MTMR8: variants seen among roughly 807,000 people sequenced by gnomAD.
The protein encoded by MTMR8 is myotubularin related protein 8.
In MTMR8, 65 loss-of-function variants were observed where a neutral mutation model predicts 39.3. The ratio of observed to expected loss-of-function variants is 1.65; its 90% confidence interval spans 1.35 to 2.03. The LOEUF (loss-of-function observed/expected upper bound fraction) is 2.03, where lower values mean the gene tolerates loss of function less well. Ranked by LOEUF, MTMR8 falls within the 30% of genes most tolerant of loss-of-function variation. MTMR8 has a pLI of 0.00. For synonymous variants in MTMR8, 245 were observed against 185.2 expected, an observed-to-expected ratio of 1.32 and a Z score of -2.62; for missense variants, 777 against 538.9, an observed-to-expected ratio of 1.44 and a Z score of -4.37.
chrX:64,390,416 C>G (rs1490432745), intron 1 of MTMR8, among the ~76,000 whole-genome samples: 1 of 111,762 alleles, frequency 8.9e-6, no homozygotes, highest in African/African-American at 3.3e-5. Flanking sequence ...GATGTCGTTT[C>G]TGTGATAACT....
Position 64,337,371 on chromosome X carries a change from C to A in MTMR8, c.998G>T (p.Ser333Ile), listed in dbSNP as rs1923105737. 1.7e-6 allele frequency: 2 copies of A among 1,207,715 alleles called. No individual in the cohort carries two copies. Among genetic ancestry groups the A allele is most frequent in the South Asian group, 3.5e-5 (2 of 56,354 alleles). The stretch of plus-strand genomic sequence containing the variant: ...TCCATCAGAACAATGGACTAAGACA[C>A]TGGCCTTTTCTACCTTCACTGCCTG... The part of the protein sequence containing the change: ...ITKAVKVEKA[S>I]VLVHCSDGWD... The change falls in exon 9 of 14, where the codon AGT becomes ATT. Residue 333 changes from serine (S) to isoleucine (I), a missense_variant. By Grantham distance (142) the Ser-to-Ile change is moderately radical (BLOSUM62 -2). Coordinates refer to ENST00000374852, the MANE Select transcript of MTMR8 (RefSeq NM_017677.4).
chrX:64,318,167 C>T (rs186082757), intron 12 of MTMR8, among the ~76,000 whole-genome samples: 1 of 112,166 alleles, frequency 8.9e-6, no homozygotes, highest in Non-Finnish European at 1.9e-5. Context: ...ACCTCAGGAA[C>T]AGAAGTGTCT....
At chrX:64,296,991 T>C (rs753842036) in intron 12 of MTMR8, among the ~76,000 whole-genome samples, 1 of 102,677 alleles carries the variant, frequency 9.7e-6, no homozygotes, top group Non-Finnish European at 2.0e-5. Flanking sequence ...TGTTGGACAT[T>C]TGGCTTGGTT....
intron 12 of MTMR8, among the ~76,000 whole-genome samples, chrX:64,277,043 G>T (rs1234617436): frequency 2.7e-5 from 3 of 111,609 alleles, no homozygotes; most frequent in Non-Finnish European, 3.8e-5. Flanking sequence ...TTGGTTTAAA[G>T]TCTGTTTTAA....
chrX:64,306,478 A>T (rs989059026), intron 12 of MTMR8: 2 of 147,936 alleles, frequency 1.4e-5, no homozygotes, highest in African/African-American at 6.3e-5. Flanking sequence ...ACTGCATTTA[A>T]TTGAATTTCT....
intron 4 of MTMR8, among the ~76,000 whole-genome samples, chrX:64,353,172 A>C (rs1330877512): frequency 1.8e-5 from 2 of 112,096 alleles, no homozygotes; most frequent in Non-Finnish European, 3.8e-5. Flanking sequence ...ACTTTAGGAT[A>C]TTGGTCTGGG....
intron 3 of MTMR8, among the ~76,000 whole-genome samples, chrX:64,355,210 T>C (rs1923592399): frequency 8.9e-6 from 1 of 112,140 alleles, no homozygotes; most frequent in Admixed American, 9.5e-5. Context: ...GCTGGATAAT[T>C]GACTGAACTG....
intron 12 of MTMR8, among the ~76,000 whole-genome samples, chrX:64,322,196 C>A (rs1172603880): frequency 9.1e-6 from 1 of 109,539 alleles, no homozygotes; most frequent in East Asian, 2.9e-4. Flanking sequence ...CGAGGTCTCA[C>A]TATGTTGCCC....
intron 1 of MTMR8, among the ~76,000 whole-genome samples, chrX:64,394,908 C>T (rs1165809236): frequency 8.9e-6 from 1 of 112,223 alleles, no homozygotes; most frequent in African/African-American, 3.2e-5. Flanking sequence ...CTGGAGGAGC[C>T]AAGAGGATGG....
intron 1 of MTMR8, among the ~76,000 whole-genome samples, chrX:64,388,283 C>A (rs1320175994): frequency 8.9e-6 from 1 of 111,918 alleles, no homozygotes; most frequent in Non-Finnish European, 1.9e-5. Flanking sequence ...TGTGTCATTG[C>A]CCCCAACAGC....
chrX:64,285,178 C>G (rs1232887351), intron 12 of MTMR8, among the ~76,000 whole-genome samples: 1 of 111,444 alleles, frequency 9.0e-6, no homozygotes, highest in East Asian at 2.8e-4. Context: ...CAATCCTAGT[C>G]TCTGATAAAA....
Position 64,366,226 on chromosome X carries a change from G to A in MTMR8, c.25-6699C>T, listed in dbSNP as rs188944548. Among the ~76,000 whole-genome samples the A allele has an allele frequency of 4.6e-4, 51 of 111,382 alleles. 1 individual carries two copies. Among genetic ancestry groups the A allele is most frequent in the African/African-American group, 1.6e-3 (48 of 30,623 alleles). ...ACAGAAGGTTAAAAAGGATATCCAG[G>A]ACTTGAACTCAGGTTGGCACCAAGC... is the stretch of plus-strand genomic sequence containing the variant. On this transcript the variant is annotated intron_variant, in intron 1 of 13. Transcript: ENST00000374852.
chrX:64,311,154 C>G (rs1490249833), intron 12 of MTMR8, among the ~76,000 whole-genome samples: 2 of 111,731 alleles, frequency 1.8e-5, no homozygotes, highest in African/African-American at 6.5e-5. Context: ...ACATCCTCCC[C>G]AGCATCTGTT....
chrX:64,324,206 A>T (rs1183699181), intron 12 of MTMR8, among the ~76,000 whole-genome samples: 1 of 110,843 alleles, frequency 9.0e-6, no homozygotes, highest in Non-Finnish European at 1.9e-5. Context: ...TCTACAAAAA[A>T]TTAAGATTAG....
chrX:64,356,887 T>G (rs1747881414), intron 2 of MTMR8, among the ~76,000 whole-genome samples: 1 of 110,742 alleles, frequency 9.0e-6, no homozygotes, highest in Admixed American at 9.6e-5. Flanking sequence ...AGCCAAGAAG[T>G]GGCACAAACA....
At position 64,345,111 on chromosome X, in the gene MTMR8, G is replaced by A. The variant is rs777686067; in HGVS notation, c.799C>T (p.Arg267Cys). ...TTCTCAATGCCCATGAATCTGAAGC[G>A]AATGTTGGCATAGTTGTCTTCATTT... The part of the protein sequence containing the change: ...YENEDNYANI[R>C]FRFMGIENIH... The change falls in exon 7 of 14, where the codon CGC (arginine) becomes TGC (cysteine). Residue 267 changes from arginine to cysteine, a missense_variant. By Grantham distance (180) the Arg-to-Cys change is radical (BLOSUM62 -3). Coordinates refer to ENST00000374852, the MANE Select transcript of MTMR8 (RefSeq NM_017677.4). 88 of 1,209,080 alleles carry A rather than the reference G, an allele frequency of 7.3e-5. 1 individual carries two copies. Among genetic ancestry groups the A allele is most frequent in the South Asian group, 5.6e-4 (32 of 56,819 alleles).
intron 12 of MTMR8, among the ~76,000 whole-genome samples, chrX:64,315,074 T>C (rs1324274800): frequency 8.9e-6 from 1 of 111,917 alleles, no homozygotes; most frequent in Non-Finnish European, 1.9e-5. Flanking sequence ...TGGGCATCCC[T>C]GGCTCTGCTC....
chrX:64,371,732 G>T (rs1279217646), intron 1 of MTMR8, among the ~76,000 whole-genome samples: 2 of 111,068 alleles, frequency 1.8e-5, no homozygotes, highest in African/African-American at 6.5e-5. Flanking sequence ...TATTCCCTGA[G>T]ATTCTGCCAA....
intron 12 of MTMR8, among the ~76,000 whole-genome samples, chrX:64,286,503 C>A (rs912454173): frequency 9.0e-6 from 1 of 111,547 alleles, no homozygotes; most frequent in Non-Finnish European, 1.9e-5. Flanking sequence ...GGCAGAGACA[C>A]AACAAAAGAA....
Sources: gnomAD v4.1 joint callset for allele counts (sites outside exome capture counted in the v4.1 genomes callset) on GRCh38, gnomAD v4.1.1 for gene constraint, MANE v1.5 for transcripts, NCBI Gene and HGNC (gene_info 2026-07-23, HGNC 2026-07-21) for gene names.